STAB2: variants seen among roughly 807,000 people sequenced by gnomAD.
STAB2 encodes the protein stabilin 2.
Under a neutral mutation model 338.1 loss-of-function variants are expected in STAB2, and 288 were observed. The observed-to-expected ratio is 0.85, with a 90% CI of 0.77 to 0.94. STAB2 has a LOEUF of 0.94. STAB2 is among the 40% of genes least tolerant of loss of function. STAB2 has a pLI of 0.00. For synonymous variants in STAB2, 1,202 were observed against 1,193.3 expected, an observed-to-expected ratio of 1.01 and a Z score of -0.15; for missense variants, 3,141 against 3,210.1, an observed-to-expected ratio of 0.98 and a Z score of 0.52.
chr12:103,683,345 AAAC>A, intron 26 of STAB2, 45 bp downstream of exon 26: 3 of 1,510,274 alleles, frequency 2.0e-6, no homozygotes, highest in Non-Finnish European at 2.7e-6. Context: ...AAAAAAAAAA[AAAC>A]AATGCTTGAG....
At chr12:103,681,749 G>A (rs182673649) in intron 25 of STAB2, among the ~76,000 whole-genome samples, 1 of 149,888 alleles carries the variant, frequency 6.7e-6, no homozygotes, top group Admixed American at 6.7e-5. Flanking sequence ...AGCCTCCCAA[G>A]TAGCTGGGAC....
rs376886066 is a variant in STAB2, at chr12:103,706,905, T to A, written c.4110T>A (p.Gly1370=). Residue 1370 remains glycine (G), a synonymous_variant, in exon 38 of 69, where the codon GGT becomes GGA. Coordinates refer to ENST00000388887, the MANE Select transcript of STAB2 (RefSeq NM_017564.10). ...GTTTGGATGGAGTGAATGGCACAGG[T>A]GTGTGTGAGTGTGGGGAGGGCTTCA... The part of the protein sequence containing the change: ...GICLDGVNGT[G]VCECGEGFSG... The A allele has an allele frequency of 6.2e-7, 1 of 1,614,058 alleles. No individual in the cohort carries two copies. Among genetic ancestry groups the A allele is most frequent in the African/African-American group, 1.3e-5 (1 of 75,000 alleles).
intron 3 of STAB2, among the ~76,000 whole-genome samples, chr12:103,597,953 A>T (rs1357346710): frequency 6.6e-6 from 1 of 152,200 alleles, no homozygotes; most frequent in African/African-American, 2.4e-5. Flanking sequence ...TCATCAAATT[A>T]TCTAAATTTA....
At chr12:103,758,641 T>C (rs1884310585) in intron 64 of STAB2, among the ~76,000 whole-genome samples, 1 of 152,232 alleles carries the variant, frequency 6.6e-6, no homozygotes, top group Admixed American at 6.5e-5. Context: ...AATGTGCCCC[T>C]GGCCTGATAG....
chr12:103,754,816 C>A (rs1883968553), intron 61 of STAB2, among the ~76,000 whole-genome samples: 1 of 151,900 alleles, frequency 6.6e-6, no homozygotes, highest in Non-Finnish European at 1.5e-5. Context: ...CATGGTGGTG[C>A]ACACCTGTAA....
At chr12:103,678,019 G>A (rs1876546093) in intron 25 of STAB2, among the ~76,000 whole-genome samples, 1 of 152,044 alleles carries the variant, frequency 6.6e-6, no homozygotes, top group African/African-American at 2.4e-5. Context: ...AGCTCCAGGG[G>A]AGGGACTACC....
At position 103,723,535 on chromosome 12, in the gene STAB2, G is replaced by A. The variant is rs557546337; in HGVS notation, c.4684-1440G>A. On this transcript the variant is annotated intron_variant, in intron 44 of 68. Transcript: ENST00000388887. Reference sequence around the variant, plus strand: ...ATTTGGGTGGGAACACAGGCAAACCGTAACATCATCTCTAGAGAGAGGGAA... The same window carrying A: ...ATTTGGGTGGGAACACAGGCAAACCATAACATCATCTCTAGAGAGAGGGAA... 1.5e-4 allele frequency among the ~76,000 whole-genome samples: 23 copies of A among 152,336 alleles called. No individual in the cohort carries two copies. In the East Asian group the frequency reaches 3.5e-3, roughly 23 times the overall value.
chr12:103,684,171 A>C (rs1335320278), intron 26 of STAB2, among the ~76,000 whole-genome samples: 1 of 152,138 alleles, frequency 6.6e-6, no homozygotes, highest in Non-Finnish European at 1.5e-5. Context: ...TTCTGTGTAC[A>C]TCTTGAGGTA....
intron 3 of STAB2, among the ~76,000 whole-genome samples, chr12:103,608,239 C>T (rs946542785): frequency 6.6e-5 from 10 of 152,230 alleles, no homozygotes; most frequent in East Asian, 5.8e-4. Flanking sequence ...CATGGGTTCA[C>T]GCCATTCTCC....
At position 103,705,727 on chromosome 12, in the gene STAB2, T is replaced by C. The variant is rs369550660; in HGVS notation, c.3996T>C (p.Ile1332=). Residue 1332 remains isoleucine, a splice_region_variant and synonymous_variant, in exon 37 of 69, where the codon ATT becomes ATC. Transcript: ENST00000388887. Reference sequence around the variant, plus strand: ...AGCCAAAATGTGTGAGAACCGTCATTGTGAGTACAATAATTGAATCATACT... The same window carrying C: ...AGCCAAAATGTGTGAGAACCGTCATCGTGAGTACAATAATTGAATCATACT... ...GCQPKCVRTV[I]TRECCAGFFG... 2.2e-5 allele frequency: 36 copies of C among 1,614,068 alleles called. No homozygotes were observed. The African/African-American group carries it at 4.0e-4, about 18-fold the overall frequency.
chr12:103,650,460 G>T, intron 10 of STAB2, 36 bp from the exon 11 acceptor site: 1 of 1,590,546 alleles, frequency 6.3e-7, no homozygotes, highest in Non-Finnish European at 8.6e-7. Context: ...TGACTCATTT[G>T]GCGTTTTCTT....
At chr12:103,760,159 C>A (rs974112100) in intron 65 of STAB2, among the ~76,000 whole-genome samples, 1 of 152,168 alleles carries the variant, frequency 6.6e-6, no homozygotes, top group African/African-American at 2.4e-5. Flanking sequence ...GTATTACCTG[C>A]TTTTAGGGAG....
intron 47 of STAB2, among the ~76,000 whole-genome samples, chr12:103,728,207 A>G (rs1307303109): frequency 1.3e-5 from 2 of 152,280 alleles, no homozygotes; most frequent in Admixed American, 1.3e-4. Context: ...GCTGGAGTGC[A>G]GTGCCATGAT....
intron 44 of STAB2, among the ~76,000 whole-genome samples, chr12:103,719,585 A>G (rs1880594685): frequency 6.6e-6 from 1 of 151,792 alleles, no homozygotes; most frequent in East Asian, 1.9e-4. Context: ...CATCACTCCA[A>G]TCTTGCCTCC....
intron 2 of STAB2, among the ~76,000 whole-genome samples, chr12:103,594,059 G>T (rs1166638674): frequency 6.8e-6 from 1 of 148,112 alleles, no homozygotes; most frequent in African/African-American, 2.5e-5. Flanking sequence ...CTCCCTTCCT[G>T]CATTGACTGC....
intron 46 of STAB2, 25 bp from the exon 47 acceptor site, chr12:103,727,242 G>A (rs772351570): frequency 6.2e-7 from 1 of 1,613,864 alleles, no homozygotes; most frequent in South Asian, 1.1e-5. Context: ...TGAGTGATGT[G>A]TGAGCCTCAC....
intron 66 of STAB2, 111 bp from the exon 67 acceptor site, chr12:103,762,163 T>G: frequency 2.1e-6 from 3 of 1,426,478 alleles, no homozygotes; most frequent in Non-Finnish European, 2.9e-6. Context: ...CATGTTAACA[T>G]GTCAGTATTT....
At chr12:103,741,737 G>A (rs1437400645) in intron 55 of STAB2, among the ~76,000 whole-genome samples, 1 of 152,234 alleles carries the variant, frequency 6.6e-6, no homozygotes, top group Non-Finnish European at 1.5e-5. Context: ...TTACAGGCGT[G>A]AGCCGCCGTG....
chr12:103,711,440 G>T (rs756710506), intron 39 of STAB2, 31 bp from the exon 40 acceptor site: 7 of 1,613,916 alleles, frequency 4.3e-6, no homozygotes, highest in Admixed American at 1.7e-5. Context: ...TTAGTAAGAG[G>T]GCTAAGACAG....
Sources: gnomAD v4.1 joint callset for allele counts (sites outside exome capture counted in the v4.1 genomes callset) on GRCh38, gnomAD v4.1.1 for gene constraint, MANE v1.5 for transcripts, NCBI Gene and HGNC (gene_info 2026-07-23, HGNC 2026-07-21) for gene names.